The following CAPN5 variants were observed in gnomAD, a reference collection of about 807,000 sequenced individuals.
CAPN5 encodes the protein calpain-5.
CAPN5 carries 54 observed loss-of-function variants against 73.0 expected under a neutral mutation model. The ratio of observed to expected loss-of-function variants is 0.74; its 90% CI spans 0.59 to 0.93. The LOEUF is 0.93. Ranked by LOEUF, CAPN5 falls within the 40% of genes least tolerant of loss-of-function variation. The pLI, the probability that CAPN5 is intolerant of heterozygous loss-of-function variation, is 0.00. For synonymous variants in CAPN5, 335 were observed against 356.9 expected, an observed-to-expected ratio of 0.94 and a Z score of 0.69; for missense variants, 785 against 882.9, an observed-to-expected ratio of 0.89 and a Z score of 1.41.
chr11:77,084,807 A>G, intron 1 of CAPN5, 45 bp from the exon 2 acceptor site: 3 of 1,552,526 alleles, frequency 1.9e-6, no homozygotes, highest in Non-Finnish European at 2.7e-6. Context: ...CACATCAGGG[A>G]CCCAGGGACT....
intron 8 of CAPN5, 96 bp downstream of exon 8, chr11:77,118,448 C>A (rs1391732016): frequency 8.4e-6 from 9 of 1,070,686 alleles, no homozygotes; most frequent in Non-Finnish European, 1.2e-5. Flanking sequence ...TTGGGTAATC[C>A]CTGTCCTTCC....
intron 3 of CAPN5, among the ~76,000 whole-genome samples, chr11:77,095,340 C>G (rs1176950012): frequency 2.0e-5 from 3 of 152,180 alleles, no homozygotes; most frequent in Non-Finnish European, 2.9e-5. Flanking sequence ...CCCACCCCCC[C>G]ACTAGATGAG....
intron 7 of CAPN5, among the ~76,000 whole-genome samples, chr11:77,117,131 G>C (rs1302955289): frequency 1.3e-5 from 2 of 152,152 alleles, no homozygotes; most frequent in East Asian, 3.9e-4. Flanking sequence ...AGCTACTCTA[G>C]AGGCTGAGAG....
At chr11:77,120,498 A>T (rs540509764) in intron 9 of CAPN5, 88 of 465,766 alleles carry the variant, frequency 1.9e-4, no homozygotes, top group Non-Finnish European at 3.2e-4. Flanking sequence ...AAAGAAACCC[A>T]CTCCCTTTAA....
chr11:77,114,001 T>A (rs1197494103), intron 4 of CAPN5, among the ~76,000 whole-genome samples: 5 of 139,292 alleles, frequency 3.6e-5, no homozygotes, highest in African/African-American at 1.4e-4. Context: ...AAAGAGTTGC[T>A]TTTTTTTTTT....
intron 10 of CAPN5, among the ~76,000 whole-genome samples, chr11:77,121,170 C>G (rs1459747970): frequency 1.3e-5 from 2 of 152,238 alleles, no homozygotes; most frequent in African/African-American, 4.8e-5. Flanking sequence ...CTTCCTGCAT[C>G]CCTGAGTGGG....
At chr11:77,116,155 TTGCCAGACAGATTCTGGTGGGGC>T in intron 6 of CAPN5, 48 bp from the exon 7 acceptor site, 1 of 1,449,650 alleles carries the variant, frequency 6.9e-7, no homozygotes, top group South Asian at 1.2e-5. Context: ...CTCCTCGCCT[TTGCCAGACAGATTCTGGTGGGGC>T]TGCCTCTTAG....
chr11:77,087,803 G>A, intron 2 of CAPN5: 1 of 1,174,644 alleles, frequency 8.5e-7, no homozygotes, highest in East Asian at 2.6e-5. Context: ...GGGACCTAGA[G>A]CCACCTTGGT....
intron 3 of CAPN5, chr11:77,103,175 G>C: frequency 1.2e-6 from 2 of 1,613,824 alleles, no homozygotes. Flanking sequence ...AGGAGGACTC[G>C]GATGCCATAG....
chr11:77,082,665 C>A (rs2135419609), intron 1 of CAPN5, among the ~76,000 whole-genome samples: 1 of 152,278 alleles, frequency 6.6e-6, no homozygotes, highest in East Asian at 1.9e-4. Flanking sequence ...GCCAGCCAGG[C>A]CTGGCCCTGT....
intron 1 of CAPN5, among the ~76,000 whole-genome samples, chr11:77,084,535 C>T (rs1188596580): frequency 6.6e-6 from 1 of 152,178 alleles, no homozygotes; most frequent in Non-Finnish European, 1.5e-5. Context: ...CTGATTCCGT[C>T]TGAGGAGGTG....
In CAPN5 at chr11:77,105,339, AATC is replaced by A. The variant is rs1950333397; in HGVS notation, c.298-7248_298-7246del. Among the ~76,000 whole-genome samples, 5 of 151,690 alleles carry A rather than the reference AATC, an allele frequency of 3.3e-5. No individual in the cohort carries two copies. In the South Asian group the frequency reaches 1.0e-3, roughly 32 times the overall value. On this transcript the variant is annotated intron_variant, in intron 3 of 12. Transcript: ENST00000648180. ...ACCTTCCAAGGAGGAGGCCTGGAATAATCAGGGGCTTCACCGAATCTCCTGAGG... is the reference window on the plus strand; with the variant it reads ...ACCTTCCAAGGAGGAGGCCTGGAATAAGGGGCTTCACCGAATCTCCTGAGG...
At chr11:77,076,207 C>A (rs894586715) in intron 1 of CAPN5, among the ~76,000 whole-genome samples, 1 of 152,064 alleles carries the variant, frequency 6.6e-6, no homozygotes, top group African/African-American at 2.4e-5. Context: ...ACTAAAAATA[C>A]AAAAATTATC....
chr11:77,097,466 T>TG, intron 3 of CAPN5, among the ~76,000 whole-genome samples: 1 of 118,056 alleles, frequency 8.5e-6, no homozygotes, highest in African/African-American at 3.9e-5. Flanking sequence ...TCCTTCTAGT[T>TG]TTTTTTTTTT....
chr11:77,093,931 G>C, intron 3 of CAPN5, 118 bp downstream of exon 3: 1 of 1,422,172 alleles, frequency 7.0e-7, no homozygotes. Context: ...GCCTGTGCCA[G>C]GGATGGGGTG....
Position 77,123,925 on chromosome 11 carries a change from CTG to C in CAPN5, c.*56_*57del. 1 of 1,549,114 alleles carries C rather than the reference CTG, an allele frequency of 6.5e-7. No individual in the cohort carries two copies. Among genetic ancestry groups the C allele is most frequent in the Non-Finnish European group, 8.8e-7 (1 of 1,132,530 alleles). On this transcript the variant is annotated 3_prime_UTR_variant, in exon 13 of 13. Transcript: ENST00000648180. The stretch of plus-strand genomic sequence containing the variant: ...TCCCACCACCATCTGCATGTCCCCA[CTG>C]GGCCTGAGTCTAGCCTGGGAGCCAG...
rs909086594 is a variant in CAPN5, at chr11:77,110,110, A to T, written c.298-2479A>T. Among the ~76,000 whole-genome samples, 5 of 146,148 alleles carry T rather than the reference A, an allele frequency of 3.4e-5. No individual in the cohort carries two copies. The East Asian group carries it at 9.8e-4, about 29-fold the overall frequency. The stretch of plus-strand genomic sequence containing the variant: ...GAATGGTAACCCTCACCTTGTATGG[A>T]ACCGCTCTTTTTTTTTTTTTTGAGA... On this transcript the variant is annotated intron_variant, in intron 3 of 12. Transcript: ENST00000648180.
chr11:77,103,237 C>T (rs1555039282), intron 3 of CAPN5: 2 of 1,613,584 alleles, frequency 1.2e-6, no homozygotes, highest in Non-Finnish European at 1.7e-6. Context: ...TCGGACCTGG[C>T]CAAGATCCGC....
At chr11:77,105,142 T>G (rs1950331238) in intron 3 of CAPN5, among the ~76,000 whole-genome samples, 1 of 151,618 alleles carries the variant, frequency 6.6e-6, no homozygotes, top group Non-Finnish European at 1.5e-5. Flanking sequence ...CCAGCCTATC[T>G]GTCCCGGGGC....
Sources: allele counts gnomAD v4.1 joint callset (sites outside exome capture counted in the v4.1 genomes callset), GRCh38; gene constraint gnomAD v4.1.1; transcripts MANE v1.5; gene names NCBI Gene and HGNC (gene_info 2026-07-23, HGNC 2026-07-21).